Variants in RASSF9 observed in about 807,000 individuals in gnomAD.
The protein encoded by RASSF9 is Ras association domain family member 9, also known as ras association domain-containing protein 9.
In RASSF9, 18 loss-of-function variants were observed where a neutral mutation model predicts 21.4. The ratio of observed to expected loss-of-function variants is 0.84; its 90% CI spans 0.58 to 1.25. The LOEUF is 1.25. Ranked by LOEUF, RASSF9 falls within the 50% of genes most tolerant of loss-of-function variation. RASSF9 has a pLI of 0.00. For synonymous variants in RASSF9, 183 were observed against 179.1 expected (o/e 1.02, Z -0.18); for missense variants, 480 against 503.2 (o/e 0.95, Z 0.44).
intron 1 of RASSF9, among the ~76,000 whole-genome samples, chr12:85,834,530 G>T (rs1880519545): frequency 6.6e-6 from 1 of 152,012 alleles, no homozygotes; most frequent in South Asian, 2.1e-4. Context: ...GAAACTCAGG[G>T]GCGCATGCAA....
Position 85,805,688 on chromosome 12 carries a change from G to A in RASSF9, c.322C>T (p.Pro108Ser). Residue 108 changes from proline to serine, a missense_variant, in exon 2 of 2, where the codon CCC becomes TCC. Physicochemically the swap from Pro to Ser is moderately conservative, Grantham distance 74. Transcript: ENST00000361228. ...KLWKAWGDEQ[P>S]NMQFVLVKAD... ...TTAACCAAAACAAATTGCATATTGGGCTGCTCATCTCCCCACGCTTTCCAA... is the reference window on the plus strand; with the variant it reads ...TTAACCAAAACAAATTGCATATTGGACTGCTCATCTCCCCACGCTTTCCAA... 6.2e-7 allele frequency: 1 copy of A among 1,613,964 alleles called. No homozygotes were observed.
At chr12:85,807,526 C>G (rs773367023) in intron 1 of RASSF9, among the ~76,000 whole-genome samples, 4 of 151,890 alleles carry the variant, frequency 2.6e-5, no homozygotes, top group Non-Finnish European at 4.4e-5. Flanking sequence ...AAGCCTATTC[C>G]ATCAGTCTAG....
At chr12:85,835,057 T>A (rs929684329) in intron 1 of RASSF9, among the ~76,000 whole-genome samples, 4 of 152,082 alleles carry the variant, frequency 2.6e-5, no homozygotes, top group African/African-American at 9.7e-5. Context: ...TTGGAATGAG[T>A]TAAAAACAGG....
intron 1 of RASSF9, among the ~76,000 whole-genome samples, chr12:85,830,747 T>C (rs1207518863): frequency 6.6e-6 from 1 of 152,118 alleles, no homozygotes; most frequent in Non-Finnish European, 1.5e-5. Flanking sequence ...AAGGCTCTAC[T>C]CCACTTGCAT....
At chr12:85,830,478 A>G (rs2136564065) in intron 1 of RASSF9, among the ~76,000 whole-genome samples, 1 of 152,234 alleles carries the variant, frequency 6.6e-6, no homozygotes, top group South Asian at 2.1e-4. Context: ...CAATCAACAA[A>G]TATTTTTTGA....
At chr12:85,813,205 A>T (rs1012647902) in intron 1 of RASSF9, among the ~76,000 whole-genome samples, 2 of 151,942 alleles carry the variant, frequency 1.3e-5, no homozygotes, top group African/African-American at 4.8e-5. Flanking sequence ...TGTTAGCCTC[A>T]GGGATATTTT....
intron 1 of RASSF9, among the ~76,000 whole-genome samples, chr12:85,828,984 T>C (rs1293690690): frequency 6.6e-6 from 1 of 152,160 alleles, no homozygotes; most frequent in Non-Finnish European, 1.5e-5. Flanking sequence ...GAAATAGATA[T>C]CCTTTTAGGC....
intron 1 of RASSF9, among the ~76,000 whole-genome samples, chr12:85,828,631 G>T (rs960520144): frequency 6.6e-6 from 1 of 152,012 alleles, no homozygotes; most frequent in Non-Finnish European, 1.5e-5. Flanking sequence ...CACAAAAATT[G>T]CTTAACATTG....
chr12:85,830,011 A>T (rs1880414858), intron 1 of RASSF9, among the ~76,000 whole-genome samples: 1 of 152,156 alleles, frequency 6.6e-6, no homozygotes, highest in Admixed American at 6.5e-5. Flanking sequence ...TACTAAACAC[A>T]GTTTACCCAT....
chr12:85,831,211 AGAGTTATCATCAGAT>A (rs1002115711), intron 1 of RASSF9, among the ~76,000 whole-genome samples: 2 of 152,074 alleles, frequency 1.3e-5, no homozygotes, highest in Non-Finnish European at 2.9e-5. Context: ...TGAATTATTT[AGAGTTATCATCAGAT>A]CTCCTGGAAC....
rs1347180592 is a variant in RASSF9 at position 85,801,479 on chromosome 12, A to T, written c.*3223T>A. 1 of 152,230 alleles carries T rather than the reference A, an allele frequency of 6.6e-6. No homozygotes were observed. The allele number at this position is 152,230 out of a possible 1,614,324, so 9.4% of individuals were successfully genotyped here. ...AGCAGGGGGCAAAGAAGTTAATAGG[A>T]AAGAGTAAGGCTAACAAGACAGATG... On this transcript the variant is annotated 3_prime_UTR_variant, in exon 2 of 2. Coordinates refer to ENST00000361228, the MANE Select transcript of RASSF9 (RefSeq NM_005447.4).
rs1224064713 is a variant in RASSF9, at chr12:85,801,677, T to C, written c.*3025A>G. On this transcript the variant is annotated 3_prime_UTR_variant, in exon 2 of 2. Coordinates refer to ENST00000361228, the MANE Select transcript of RASSF9 (RefSeq NM_005447.4). ...AAAATACAAAAAAATTAGCCTGGCG[T>C]GGTGGCGGGCGCCTGTAGTCCCAGC... 2 of 152,240 alleles carry C rather than the reference T, an allele frequency of 1.3e-5. No homozygotes were observed. Among genetic ancestry groups the C allele is most frequent in the Non-Finnish European group, 2.9e-5 (2 of 68,186 alleles). 9.4% of individuals were successfully genotyped at this position (152,240 alleles called of 1,614,324 possible).
intron 1 of RASSF9, among the ~76,000 whole-genome samples, chr12:85,816,391 GT>G (rs1555189103): frequency 6.6e-6 from 1 of 151,520 alleles, no homozygotes; most frequent in Non-Finnish European, 1.5e-5. Context: ...ATAGCCTGAT[GT>G]TTTTCATGCT....
chr12:85,833,861 G>C (rs533771776), intron 1 of RASSF9, among the ~76,000 whole-genome samples: 36 of 152,040 alleles, frequency 2.4e-4, no homozygotes, highest in Admixed American at 2.6e-4. Flanking sequence ...TCAGATAACT[G>C]TCTTATCATA....
chr12:85,823,548 A>G (rs1041707676), intron 1 of RASSF9, among the ~76,000 whole-genome samples: 1 of 152,334 alleles, frequency 6.6e-6, no homozygotes, highest in Admixed American at 6.5e-5. Flanking sequence ...CTTCCCGTTA[A>G]GAGAAGCTCT....
rs538442892 is a variant in RASSF9, at chr12:85,801,679, G to A, written c.*3023C>T. 6.6e-6 allele frequency: 1 copy of A among 152,520 alleles called. No homozygotes were observed. The highest frequency in any genetic ancestry group is 6.5e-5 in the Admixed American group (1 of 15,300). The allele number at this position is 152,520 out of a possible 1,614,324, so 9.4% of individuals were successfully genotyped here. On this transcript the variant is annotated 3_prime_UTR_variant, in exon 2 of 2. Transcript: ENST00000361228. ...AATACAAAAAAATTAGCCTGGCGTG[G>A]TGGCGGGCGCCTGTAGTCCCAGCTA...
chr12:85,827,481 T>C (rs1468211563), intron 1 of RASSF9, among the ~76,000 whole-genome samples: 1 of 152,190 alleles, frequency 6.6e-6, no homozygotes. Context: ...TTTTGAAAAA[T>C]GTAAATAAGA....
At chr12:85,814,487 T>C (rs1052110550) in intron 1 of RASSF9, among the ~76,000 whole-genome samples, 5 of 151,994 alleles carry the variant, frequency 3.3e-5, no homozygotes, top group African/African-American at 1.2e-4. Context: ...AGATTTAAAA[T>C]AAAACATATT....
chr12:85,812,535 A>G (rs1879975691), intron 1 of RASSF9, among the ~76,000 whole-genome samples: 1 of 151,212 alleles, frequency 6.6e-6, no homozygotes, highest in Non-Finnish European at 1.5e-5. Context: ...TGAAAATTTA[A>G]ATTTATGATT....
Sources: allele counts gnomAD v4.1 joint callset (sites outside exome capture counted in the v4.1 genomes callset), GRCh38; gene constraint gnomAD v4.1.1; transcripts MANE v1.5; gene names NCBI Gene and HGNC (gene_info 2026-07-23, HGNC 2026-07-21).